The following AKT3 variants were observed in gnomAD, a reference collection of about 807,000 sequenced individuals.
The protein encoded by AKT3 is RAC-gamma serine/threonine-protein kinase.
Under a neutral mutation model 65.3 loss-of-function variants are expected in AKT3, and 15 were observed. The observed-to-expected ratio is 0.23, with a 90% CI of 0.15 to 0.35. AKT3 has a LOEUF of 0.35. Ranked by LOEUF, AKT3 falls within the 10% of genes least tolerant of loss-of-function variation. The probability of loss-of-function intolerance (pLI) is 1.00; values close to 1 mark genes in which losing one functional copy is unlikely to be tolerated. For missense variants in AKT3, 243 were observed against 576.5 expected, an observed-to-expected ratio of 0.42 and a Z score of 5.92; for synonymous variants, 206 against 183.8, an observed-to-expected ratio of 1.12 and a Z score of -0.98.
intron 12 of AKT3, among the ~76,000 whole-genome samples, chr1:243,537,966 G>A (rs1672047970): frequency 6.6e-6 from 1 of 152,094 alleles, no homozygotes; most frequent in Non-Finnish European, 1.5e-5. Flanking sequence ...CAGGGAGGTG[G>A]AAGTGGAGTT....
At chr1:243,672,258 A>G (rs927580353) in intron 3 of AKT3, among the ~76,000 whole-genome samples, 1 of 152,206 alleles carries the variant, frequency 6.6e-6, no homozygotes, top group East Asian at 1.9e-4. Context: ...TGGTAAGGAT[A>G]GCAGAAAGGA....
chr1:243,533,480 A>C (rs1445363486), intron 12 of AKT3, among the ~76,000 whole-genome samples: 3 of 152,232 alleles, frequency 2.0e-5, no homozygotes, highest in African/African-American at 7.2e-5. Context: ...CTGTGAAATG[A>C]ATGGTGCTAT....
intron 5 of AKT3, among the ~76,000 whole-genome samples, chr1:243,645,450 T>C (rs1680734573): frequency 6.6e-6 from 1 of 152,190 alleles, no homozygotes; most frequent in African/African-American, 2.4e-5. Context: ...TTTCCAAGAT[T>C]GTTCACTTTC....
chr1:243,800,755 C>A (rs1692335144), intron 2 of AKT3, among the ~76,000 whole-genome samples: 1 of 151,692 alleles, frequency 6.6e-6, no homozygotes, highest in Admixed American at 6.6e-5. Flanking sequence ...ATAATAATCA[C>A]ACTGGAGCGA....
At chr1:243,835,767 T>A (rs1237231880) in intron 2 of AKT3, among the ~76,000 whole-genome samples, 1 of 152,042 alleles carries the variant, frequency 6.6e-6, no homozygotes, top group Non-Finnish European at 1.5e-5. Context: ...GTTAGTGGAA[T>A]ATACTGAAAA....
At chr1:243,694,345 C>A (rs1684919367) in intron 3 of AKT3, among the ~76,000 whole-genome samples, 1 of 151,964 alleles carries the variant, frequency 6.6e-6, no homozygotes, top group African/African-American at 2.4e-5. Context: ...ATACAAAATA[C>A]AATATATTAT....
At chr1:243,766,926 A>G (rs1689865132) in intron 2 of AKT3, among the ~76,000 whole-genome samples, 1 of 152,294 alleles carries the variant, frequency 6.6e-6, no homozygotes, top group East Asian at 1.9e-4. Flanking sequence ...TTAATGAAAA[A>G]GAAGATAATC....
chr1:243,723,346 CT>C (rs913958243), intron 2 of AKT3, among the ~76,000 whole-genome samples: 14 of 152,188 alleles, frequency 9.2e-5, no homozygotes, highest in Non-Finnish European at 1.9e-4. Context: ...AAGCTATTTT[CT>C]TTTTCTATAT....
rs1175679506 is a variant in AKT3, at chr1:243,500,891, C to CTAGA, written c.*4354_*4357dup. 1 of 228,158 alleles carries CTAGA rather than the reference C, an allele frequency of 4.4e-6. No individual in the cohort carries two copies. Among genetic ancestry groups the CTAGA allele is most frequent in the African/African-American group, 2.2e-5 (1 of 45,030 alleles). The allele number at this position is 228,158 out of a possible 1,614,324, so 14.1% of individuals were successfully genotyped here. A position where few individuals can be genotyped will look rare whatever the true frequency, so the allele number is the denominator to read the frequency against. On this transcript the variant is annotated 3_prime_UTR_variant, in exon 14 of 14. Coordinates refer to ENST00000673466, the MANE Select transcript of AKT3 (RefSeq NM_005465.7). ...GAAGTTTTTTATTTCATCAAATGTGCTAGACATAAAGGCTGTCACATAAGA... is the reference window on the plus strand; with the variant it reads ...GAAGTTTTTTATTTCATCAAATGTGCTAGATAGACATAAAGGCTGTCACATAAGA...
intron 2 of AKT3, among the ~76,000 whole-genome samples, chr1:243,781,628 T>C (rs1690922930): frequency 6.6e-6 from 1 of 152,216 alleles, no homozygotes; most frequent in African/African-American, 2.4e-5. Flanking sequence ...GCCACAATAA[T>C]GTTGATGTTT....
chr1:243,703,104 T>C (rs1685569399), intron 2 of AKT3: 1 of 152,198 alleles, frequency 6.6e-6, no homozygotes, highest in Non-Finnish European at 1.5e-5. Flanking sequence ...ATTTCATCAT[T>C]CACAATGTAG....
rs549022723 is a variant in AKT3 at position 243,704,189 on chromosome 1, G to A, written c.47-8473C>T. Among the ~76,000 whole-genome samples the A allele has an allele frequency of 1.4e-3, 206 of 152,238 alleles. 1 individual carries two copies. Among genetic ancestry groups the A allele is most frequent in the Admixed American group, 0.011 (161 of 15,290 alleles). ...AGGTGCTGCTGCTCAAGACCACCTA[G>A]ATCAAAAAAGCCACTTTAAACATCT... is the stretch of plus-strand genomic sequence containing the variant. On this transcript the variant is annotated intron_variant, in intron 2 of 13. Transcript: ENST00000673466.
At chr1:243,554,251 G>A (rs968399217) in intron 10 of AKT3, among the ~76,000 whole-genome samples, 1 of 152,078 alleles carries the variant, frequency 6.6e-6, no homozygotes, top group African/African-American at 2.4e-5. Context: ...TATTCAATAA[G>A]CATTTCTATT....
chr1:243,502,103 T>TTTC lies in AKT3; in HGVS notation c.*3143_*3145dup, dbSNP rs527566262. On this transcript the variant is annotated 3_prime_UTR_variant, in exon 14 of 14. Coordinates refer to ENST00000673466, the MANE Select transcript of AKT3 (RefSeq NM_005465.7). ...GTAATTCAATTACCAATTTAGAGGT[T>TTTC]TTCTTTTTATTTAAATAAATACTTT... 2.2e-5 allele frequency: 5 copies of TTTC among 232,314 alleles called. No individual in the cohort carries two copies. In the Admixed American group the frequency reaches 2.8e-4, roughly 13 times the overall value. The allele number at this position is 232,314 out of a possible 1,614,324, so 14.4% of individuals were successfully genotyped here.
At chr1:243,560,451 AAT>A (rs1310536947) in intron 10 of AKT3, among the ~76,000 whole-genome samples, 9 of 152,166 alleles carry the variant, frequency 5.9e-5, no homozygotes, top group African/African-American at 1.9e-4. Flanking sequence ...TTAAAAATGC[AAT>A]ATGTGACACA....
chr1:243,768,123 CCT>C (rs933480929), intron 2 of AKT3, among the ~76,000 whole-genome samples: 2 of 150,196 alleles, frequency 1.3e-5, no homozygotes, highest in African/African-American at 2.4e-5. Context: ...AAATAAATGC[CCT>C]GTTTTCCCCA....
At chr1:243,794,276 T>C (rs901945326) in intron 2 of AKT3, 1 of 152,256 alleles carries the variant, frequency 6.6e-6, no homozygotes, top group Non-Finnish European at 1.5e-5. Flanking sequence ...ACTCAAGCTA[T>C]TCATCTACCT....
chr1:243,779,735 A>C (rs1169214603), intron 2 of AKT3, among the ~76,000 whole-genome samples: 1 of 152,034 alleles, frequency 6.6e-6, no homozygotes, highest in African/African-American at 2.4e-5. Context: ...ACTAAGAAGA[A>C]CCAGAGCTCC....
chr1:243,523,554 T>C (rs902488528), intron 12 of AKT3, among the ~76,000 whole-genome samples: 4 of 152,210 alleles, frequency 2.6e-5, no homozygotes, highest in Non-Finnish European at 5.9e-5. Context: ...AATAATCTTA[T>C]AGATCTAGTC....
Sources: gnomAD v4.1 joint callset for allele counts (sites outside exome capture counted in the v4.1 genomes callset) on GRCh38, gnomAD v4.1.1 for gene constraint, MANE v1.5 for transcripts, NCBI Gene and HGNC (gene_info 2026-07-23, HGNC 2026-07-21) for gene names.